ZNF804B: variants seen among roughly 807,000 people sequenced by gnomAD.
The protein encoded by ZNF804B is zinc finger protein 804B.
Under a neutral mutation model 101.4 loss-of-function variants are expected in ZNF804B, and 80 were observed. That is an observed-to-expected ratio of 0.79 (90% CI 0.66 to 0.95). ZNF804B has a LOEUF of 0.95. ZNF804B is among the 40% of genes least tolerant of loss of function. The pLI is 0.00. For missense variants in ZNF804B, 1,673 were observed against 1,561.9 expected, an observed-to-expected ratio of 1.07 and a Z score of -1.20; for synonymous variants, 622 against 558.8, an observed-to-expected ratio of 1.11 and a Z score of -1.59.
Position 89,263,971 on chromosome 7 carries a change from G to A in ZNF804B, c.249+45676G>A, listed in dbSNP as rs147151734. On this transcript the variant is annotated intron_variant, in intron 2 of 3. Coordinates refer to ENST00000333190, the MANE Select transcript of ZNF804B (RefSeq NM_181646.5). ...TGGAAGTCCTAGGAAATTAATAAAG[G>A]TATCTTCTTCTATTAATACACAATT... Among the ~76,000 whole-genome samples the A allele has an allele frequency of 5.7e-4, 87 of 152,192 alleles. 1 individual carries two copies. Among genetic ancestry groups the A allele is most frequent in the Non-Finnish European group, 1.0e-3 (70 of 68,010 alleles).
intron 1 of ZNF804B, among the ~76,000 whole-genome samples, chr7:88,965,643 A>G (rs1484310024): frequency 6.6e-6 from 1 of 151,476 alleles, no homozygotes; most frequent in East Asian, 2.0e-4. Context: ...AGAAATGCCA[A>G]TCATGTAAAT....
At chr7:89,305,044 G>T (rs968393405) in intron 2 of ZNF804B, among the ~76,000 whole-genome samples, 12 of 151,992 alleles carry the variant, frequency 7.9e-5, no homozygotes, top group African/African-American at 2.7e-4. Flanking sequence ...CTGGCTGCCT[G>T]GTTATGCCTT....
intron 1 of ZNF804B, among the ~76,000 whole-genome samples, chr7:88,905,442 C>T (rs929405711): frequency 1.3e-5 from 2 of 152,040 alleles, no homozygotes; most frequent in Admixed American, 6.6e-5. Flanking sequence ...ACTGTAACCT[C>T]GGCCTCCCTG....
intron 1 of ZNF804B, among the ~76,000 whole-genome samples, chr7:89,189,028 A>G (rs1019258212): frequency 5.3e-5 from 8 of 152,182 alleles, no homozygotes; most frequent in Non-Finnish European, 7.3e-5. Context: ...AGAAGATACC[A>G]TATACAACTT....
intron 1 of ZNF804B, among the ~76,000 whole-genome samples, chr7:89,067,828 C>CTTT (rs112256863): frequency 0.3 from 40,334 of 132,306 alleles, 6,521 homozygotes; most frequent in East Asian, 0.49. Flanking sequence ...CTTTTCTTTT[C>CTTT]TTTTTTTTTT....
At chr7:88,925,897 G>A (rs932343787) in intron 1 of ZNF804B, among the ~76,000 whole-genome samples, 8 of 152,144 alleles carry the variant, frequency 5.3e-5, no homozygotes, top group African/African-American at 1.7e-4. Context: ...AAGTTATGAT[G>A]CTAGGTGATC....
chr7:89,297,757 T>C (rs992152142), intron 2 of ZNF804B, among the ~76,000 whole-genome samples: 3 of 151,968 alleles, frequency 2.0e-5, no homozygotes, highest in African/African-American at 7.2e-5. Flanking sequence ...TTTCTAACCA[T>C]TTGAGAGGAT....
intron 1 of ZNF804B, among the ~76,000 whole-genome samples, chr7:89,077,871 T>G (rs968905452): frequency 4.6e-5 from 7 of 152,124 alleles, no homozygotes; most frequent in Non-Finnish European, 8.8e-5. Flanking sequence ...TTAAAAGTAT[T>G]TCCAGAAAAA....
chr7:89,183,224 C>A (rs1353583008), intron 1 of ZNF804B, among the ~76,000 whole-genome samples: 2 of 151,950 alleles, frequency 1.3e-5, no homozygotes, highest in African/African-American at 4.8e-5. Context: ...AGTCATAAAC[C>A]TTGACAGGAA....
chr7:89,235,690 A>T (rs1262149312), intron 2 of ZNF804B, among the ~76,000 whole-genome samples: 1 of 152,074 alleles, frequency 6.6e-6, no homozygotes, highest in East Asian at 1.9e-4. Context: ...TTTTTAAAAA[A>T]CTGTTTGAGG....
At chr7:89,047,396 C>T (rs1789126545) in intron 1 of ZNF804B, among the ~76,000 whole-genome samples, 2 of 151,896 alleles carry the variant, frequency 1.3e-5, no homozygotes, top group Non-Finnish European at 2.9e-5. Flanking sequence ...ATTAAATTAC[C>T]AAAAATAATG....
chr7:89,148,589 T>G (rs1370427306), intron 1 of ZNF804B, among the ~76,000 whole-genome samples: 1 of 152,068 alleles, frequency 6.6e-6, no homozygotes, highest in Non-Finnish European at 1.5e-5. Flanking sequence ...ATACAAGTAG[T>G]TGAACAAAAT....
chr7:89,057,279 G>A (rs568070430), intron 1 of ZNF804B, among the ~76,000 whole-genome samples: 50 of 152,142 alleles, frequency 3.3e-4, no homozygotes, highest in Non-Finnish European at 5.7e-4. Context: ...GACTTTCAGC[G>A]CCAAGAAAAT....
chr7:89,295,075 T>C (rs942523542), intron 2 of ZNF804B, among the ~76,000 whole-genome samples: 12 of 151,824 alleles, frequency 7.9e-5, no homozygotes, highest in Admixed American at 3.3e-4. Flanking sequence ...GCCTATTCTT[T>C]GGGTGGTAGT....
chr7:89,040,203 TCTTA>T (rs1418404577), intron 1 of ZNF804B, among the ~76,000 whole-genome samples: 2 of 152,082 alleles, frequency 1.3e-5, no homozygotes, highest in African/African-American at 4.8e-5. Flanking sequence ...CTCATAAATC[TCTTA>T]TTTATTTATA....
chr7:89,074,323 T>G (rs1247351760), intron 1 of ZNF804B, among the ~76,000 whole-genome samples: 1 of 152,236 alleles, frequency 6.6e-6, no homozygotes, highest in Non-Finnish European at 1.5e-5. Context: ...CACCCAAATC[T>G]AATCTTGAAT....
At chr7:89,062,312 T>G (rs1445298184) in intron 1 of ZNF804B, among the ~76,000 whole-genome samples, 1 of 152,018 alleles carries the variant, frequency 6.6e-6, no homozygotes, top group South Asian at 2.1e-4. Flanking sequence ...AGCCTCTTGC[T>G]TTTGCTCCCA....
intron 1 of ZNF804B, among the ~76,000 whole-genome samples, chr7:88,790,766 A>G (rs775501541): frequency 1.3e-4 from 20 of 152,042 alleles, no homozygotes; most frequent in Non-Finnish European, 2.6e-4. Flanking sequence ...GCGTGCATGT[A>G]TCTGCATTCT....
chr7:89,283,104 A>G (rs1163553972), intron 2 of ZNF804B, among the ~76,000 whole-genome samples: 2 of 152,222 alleles, frequency 1.3e-5, no homozygotes, highest in Non-Finnish European at 2.9e-5. Context: ...CTCTGAAAAG[A>G]CAAAAATTTG....
Sources: gnomAD v4.1 joint callset for allele counts (sites outside exome capture counted in the v4.1 genomes callset) on GRCh38, gnomAD v4.1.1 for gene constraint, MANE v1.5 for transcripts, NCBI Gene and HGNC (gene_info 2026-07-23, HGNC 2026-07-21) for gene names.